MAP2K1: variants seen among roughly 807,000 people sequenced by gnomAD.
The protein encoded by MAP2K1 is dual specificity mitogen-activated protein kinase kinase 1.
A neutral mutation model predicts 46.3 loss-of-function variants in MAP2K1; 16 were observed. That is an observed-to-expected ratio of 0.35 (90% CI 0.23 to 0.52). MAP2K1 has a LOEUF of 0.52. Among genes scored for constraint, MAP2K1 ranks in the 20% least tolerant of loss-of-function variants. MAP2K1 has a pLI of 0.94. For missense variants in MAP2K1, 263 were observed against 497.1 expected (o/e 0.53, Z 4.48); for synonymous variants, 183 against 185.6 (o/e 0.99, Z 0.11).
At chr15:66,408,879 C>T (rs2093404544) in intron 1 of MAP2K1, among the ~76,000 whole-genome samples, 1 of 152,198 alleles carries the variant, frequency 6.6e-6, no homozygotes, top group South Asian at 2.1e-4. Flanking sequence ...TCATCTGCTC[C>T]ACCCTCCGGA....
At chr15:66,481,975 G>A (rs988636269) in intron 6 of MAP2K1, 96 bp downstream of exon 6, 14 of 1,460,886 alleles carry the variant, frequency 9.6e-6, no homozygotes, top group Non-Finnish European at 2.8e-6. Context: ...CTTGTGCTGG[G>A]TAGGGGACAA....
chr15:66,463,804 T>G (rs1018614240), intron 5 of MAP2K1, among the ~76,000 whole-genome samples: 11 of 152,144 alleles, frequency 7.2e-5, no homozygotes, highest in Non-Finnish European at 1.3e-4. Context: ...TTTATACATT[T>G]TAGGGAGTCG....
At chr15:66,484,667 C>G (rs1461088680) in intron 6 of MAP2K1, among the ~76,000 whole-genome samples, 1 of 150,376 alleles carries the variant, frequency 6.6e-6, no homozygotes, top group African/African-American at 2.5e-5. Context: ...GGCTGCCCTG[C>G]GTGTGCAAGA....
At chr15:66,389,134 G>C (rs1009798474) in intron 1 of MAP2K1, among the ~76,000 whole-genome samples, 1 of 152,006 alleles carries the variant, frequency 6.6e-6, no homozygotes. Context: ...GCAAACTCCC[G>C]TCCTCAGGTG....
intron 1 of MAP2K1, among the ~76,000 whole-genome samples, chr15:66,411,199 G>C (rs561404359): frequency 6.6e-6 from 1 of 152,238 alleles, no homozygotes; most frequent in South Asian, 2.1e-4. Flanking sequence ...GTTGTAGGTA[G>C]AGTGCTTAAT....
chr15:66,462,054 C>T (rs1017744589), intron 5 of MAP2K1, among the ~76,000 whole-genome samples: 2 of 152,132 alleles, frequency 1.3e-5, no homozygotes, highest in African/African-American at 4.8e-5. Context: ...AGTTCCTATC[C>T]TCTTAGAGCT....
At chr15:66,427,957 T>C (rs2093463558) in intron 1 of MAP2K1, among the ~76,000 whole-genome samples, 1 of 152,012 alleles carries the variant, frequency 6.6e-6, no homozygotes, top group African/African-American at 2.4e-5. Context: ...AAGGTTGCAG[T>C]AAACCGAGAT....
At chr15:66,415,232 A>T (rs2093421830) in intron 1 of MAP2K1, 1 of 434,820 alleles carries the variant, frequency 2.3e-6, no homozygotes, top group Non-Finnish European at 4.4e-6. Context: ...TCCCTGTGTC[A>T]TCTTTTTAAG....
chr15:66,400,476 G>GTA (rs2093378800), intron 1 of MAP2K1, among the ~76,000 whole-genome samples: 1 of 152,178 alleles, frequency 6.6e-6, no homozygotes, highest in Non-Finnish European at 1.5e-5. Context: ...CAGAGACTAG[G>GTA]AACAAAATGA....
At chr15:66,429,200 T>C (rs941765957) in intron 1 of MAP2K1, among the ~76,000 whole-genome samples, 6 of 152,284 alleles carry the variant, frequency 3.9e-5, no homozygotes, top group African/African-American at 1.4e-4. Context: ...TACGGTTCTT[T>C]ATGGCTGGGG....
intron 10 of MAP2K1, 158 bp downstream of exon 10, chr15:66,489,921 T>TC (rs1216610276): frequency 1.3e-6 from 1 of 745,460 alleles, no homozygotes; most frequent in Non-Finnish European, 2.4e-6. Flanking sequence ...TCTCCTTTGC[T>TC]CTCCCATCAG....
intron 1 of MAP2K1, among the ~76,000 whole-genome samples, chr15:66,403,376 T>A (rs1209701749): frequency 6.6e-6 from 1 of 152,060 alleles, no homozygotes; most frequent in Non-Finnish European, 1.5e-5. Flanking sequence ...AGAAAAGTTG[T>A]GGGGTTGGGG....
At chr15:66,438,390 CTT>C (rs1188997643) in intron 3 of MAP2K1, among the ~76,000 whole-genome samples, 2 of 152,090 alleles carry the variant, frequency 1.3e-5, no homozygotes, top group East Asian at 1.9e-4. Context: ...CCCAACCAAT[CTT>C]TTTATTTTTC....
Position 66,489,373 on chromosome 15 carries a change from G to GT in MAP2K1, c.1022+101dup, listed in dbSNP as rs1893161688. 2.5e-6 allele frequency: 3 copies of GT among 1,213,256 alleles called. No individual in the cohort carries two copies. In the Admixed American group the frequency reaches 5.1e-5, roughly 20 times the overall value. 75.2% of individuals were successfully genotyped at this position (1,213,256 alleles called of 1,614,324 possible). The stretch of plus-strand genomic sequence containing the variant: ...CACCAGCATTGCTTCTGCAGGCAGA[G>GT]TTTTGCCCTTTACCCTCCCGTCTGA... On this transcript the variant is annotated intron_variant, in intron 9 of 10. Transcript: ENST00000307102.
At chr15:66,452,306 A>AAG (rs1363503466) in intron 5 of MAP2K1, among the ~76,000 whole-genome samples, 1 of 139,242 alleles carries the variant, frequency 7.2e-6, no homozygotes, top group African/African-American at 2.6e-5. Context: ...AAAAAAAAGA[A>AAG]AAAAAAAAGC....
intron 1 of MAP2K1, among the ~76,000 whole-genome samples, chr15:66,391,237 G>A (rs1203652194): frequency 2.0e-5 from 3 of 152,062 alleles, no homozygotes; most frequent in East Asian, 1.9e-4. Context: ...ATTTTTCATT[G>A]GGGTGTTCTT....
rs1479446795 is a variant in MAP2K1 at position 66,489,276 on chromosome 15, G to C, written c.1022G>C (p.Cys341Ser). ...SLEFQDFVNK[C>S]LIKNPAERAD... The stretch of plus-strand genomic sequence containing the variant: ...GAATTTCAAGATTTTGTGAATAAAT[G>C]GTAAGTTGGCTCCTTGTTCTCTGGA... The change falls in exon 9 of 11, where the codon TGC (cysteine) becomes TCC (serine). Residue 341 changes from cysteine (C) to serine (S), a missense_variant and splice_region_variant. By Grantham distance (112) the Cys-to-Ser change is moderately radical (BLOSUM62 -1). Transcript: ENST00000307102. The C allele has an allele frequency of 1.2e-6, 2 of 1,613,544 alleles. No homozygotes were observed. The highest frequency in any genetic ancestry group is 4.5e-5 in the East Asian group (2 of 44,884).
chr15:66,407,106 G>A (rs2093399310), intron 1 of MAP2K1, among the ~76,000 whole-genome samples: 1 of 152,168 alleles, frequency 6.6e-6, no homozygotes. Context: ...GGGGAGCAGA[G>A]CATCCAGAGG....
chr15:66,477,474 T>TATGCC (rs1361321601), intron 5 of MAP2K1, among the ~76,000 whole-genome samples: 1 of 152,204 alleles, frequency 6.6e-6, no homozygotes, highest in African/African-American at 2.4e-5. Flanking sequence ...GTGCTGCTTA[T>TATGCC]ATGCCATGCC....
Sources: allele counts gnomAD v4.1 joint callset (sites outside exome capture counted in the v4.1 genomes callset), GRCh38; gene constraint gnomAD v4.1.1; transcripts MANE v1.5; gene names NCBI Gene and HGNC (gene_info 2026-07-23, HGNC 2026-07-21).